Variants in SLC4A10 observed in about 807,000 individuals in gnomAD.
SLC4A10 encodes sodium-driven chloride bicarbonate exchanger.
In SLC4A10, 42 loss-of-function variants were observed where a neutral mutation model predicts 137.7. That is an observed-to-expected ratio of 0.30 (90% CI 0.24 to 0.39). The LOEUF (loss-of-function observed/expected upper bound fraction) is 0.39. SLC4A10 is among the 10% of genes least tolerant of loss of function. The probability of loss-of-function intolerance (pLI) is 1.00; values close to 1 mark genes in which losing one functional copy is unlikely to be tolerated. For synonymous variants in SLC4A10, 474 were observed against 464.1 expected (o/e 1.02, Z -0.27); for missense variants, 925 against 1,355.0 (o/e 0.68, Z 4.98).
chr2:161,745,277 G>A (rs540706924), intron 1 of SLC4A10, among the ~76,000 whole-genome samples: 3 of 152,074 alleles, frequency 2.0e-5, no homozygotes, highest in Non-Finnish European at 4.4e-5. Context: ...TCCTCTGATT[G>A]TGTATTTACA....
At chr2:161,876,838 T>C (rs1158872119) in intron 8 of SLC4A10, among the ~76,000 whole-genome samples, 1 of 151,944 alleles carries the variant, frequency 6.6e-6, no homozygotes, top group Non-Finnish European at 1.5e-5. Flanking sequence ...TAATATATAA[T>C]CGATTACTTC....
chr2:161,883,228 AT>A (rs1451143023), intron 10 of SLC4A10, among the ~76,000 whole-genome samples: 1 of 152,184 alleles, frequency 6.6e-6, no homozygotes, highest in Non-Finnish European at 1.5e-5. Context: ...AACAAATGGG[AT>A]TATATACTTC....
intron 6 of SLC4A10, among the ~76,000 whole-genome samples, chr2:161,871,410 AG>A (rs1189697443): frequency 4.8e-5 from 7 of 147,076 alleles, no homozygotes; most frequent in Non-Finnish European, 1.1e-4. Flanking sequence ...GAAAAAAAAA[AG>A]ATGGGGAGAT....
chr2:161,898,588 T>C (rs2063757143), intron 11 of SLC4A10, among the ~76,000 whole-genome samples: 1 of 152,150 alleles, frequency 6.6e-6, no homozygotes, highest in South Asian at 2.1e-4. Context: ...GCATTTTAAA[T>C]ATTTTTTCCC....
chr2:161,802,091 T>C (rs1162431048), intron 2 of SLC4A10, among the ~76,000 whole-genome samples: 2 of 152,124 alleles, frequency 1.3e-5, no homozygotes, highest in East Asian at 3.9e-4. Context: ...ATTTTAATTG[T>C]CTATAATCAG....
intron 15 of SLC4A10, among the ~76,000 whole-genome samples, chr2:161,938,600 A>G (rs546948687): frequency 6.6e-6 from 1 of 151,816 alleles, no homozygotes; most frequent in East Asian, 1.9e-4. Context: ...TGTTGAAAAT[A>G]ATCCAAATAT....
intron 10 of SLC4A10, among the ~76,000 whole-genome samples, chr2:161,892,155 G>T (rs919871931): frequency 2.6e-5 from 4 of 152,026 alleles, no homozygotes; most frequent in African/African-American, 7.2e-5. Flanking sequence ...CAGGAAATCT[G>T]TTGTCCTGGA....
intron 15 of SLC4A10, among the ~76,000 whole-genome samples, chr2:161,919,129 G>A (rs1180519356): frequency 2.0e-5 from 3 of 152,186 alleles, no homozygotes; most frequent in Non-Finnish European, 4.4e-5. Flanking sequence ...ACTTGGGGTA[G>A]TAATGACACA....
At chr2:161,815,773 G>A (rs917470532) in intron 3 of SLC4A10, among the ~76,000 whole-genome samples, 4 of 152,030 alleles carry the variant, frequency 2.6e-5, no homozygotes, top group Non-Finnish European at 5.9e-5. Context: ...AATTGACCAA[G>A]AATCAGATTC....
intron 2 of SLC4A10, among the ~76,000 whole-genome samples, chr2:161,788,266 T>G (rs2053842576): frequency 6.6e-6 from 1 of 152,080 alleles, no homozygotes; most frequent in African/African-American, 2.4e-5. Flanking sequence ...AACACACTAT[T>G]TTCTGTGTGA....
chr2:161,723,840 A>G lies in SLC4A10; in HGVS notation c.49-47133A>G, dbSNP rs191284623. ...AGACAATGTTGAGAATTGCTGCTTT[A>G]CATACTGATGACTTCCATATCTATA... is the stretch of plus-strand genomic sequence containing the variant. On this transcript the variant is annotated intron_variant, in intron 1 of 26. Transcript: ENST00000446997. Among the ~76,000 whole-genome samples the G allele has an allele frequency of 2.9e-4, 44 of 152,344 alleles. 1 individual carries two copies. Among genetic ancestry groups the G allele is most frequent in the Admixed American group, 1.8e-3 (28 of 15,300 alleles).
Position 161,957,137 on chromosome 2 carries a change from C to T in SLC4A10, c.2690C>T (p.Pro897Leu), listed in dbSNP as rs1475522275. ...SLKLESECSAPGEQPKFLGIR... is the reference protein window; with the variant it reads ...SLKLESECSALGEQPKFLGIR... ...AAACTGGAATCAGAATGCTCAGCTC[C>T]AGGAGAACAACCCAAATTTCTCGGC... Residue 897 changes from proline to leucine, a missense_variant, in exon 20 of 27, where the codon CCA becomes CTA. By Grantham distance (98) the Pro-to-Leu change is moderately conservative. Coordinates refer to ENST00000446997, the MANE Select transcript of SLC4A10 (RefSeq NM_001178015.2). 6.2e-7 allele frequency: 1 copy of T among 1,613,612 alleles called. No homozygotes were observed. Among genetic ancestry groups the T allele is most frequent in the Non-Finnish European group, 8.5e-7 (1 of 1,179,838 alleles).
At chr2:161,797,312 T>C (rs965953811) in intron 2 of SLC4A10, among the ~76,000 whole-genome samples, 5 of 152,110 alleles carry the variant, frequency 3.3e-5, no homozygotes, top group Non-Finnish European at 5.9e-5. Flanking sequence ...AACCTGCTTA[T>C]TGTTTAAGAG....
At position 161,985,075 on chromosome 2, in the gene SLC4A10, T is replaced by A. The variant is rs1700656948; in HGVS notation, c.*1923T>A. ...TTAATCCTAATATTTTGAAATCATA[T>A]AAAATATAATAAAAATGTAGTATTA... is the stretch of plus-strand genomic sequence containing the variant. On this transcript the variant is annotated 3_prime_UTR_variant, in exon 27 of 27. Coordinates refer to ENST00000446997, the MANE Select transcript of SLC4A10 (RefSeq NM_001178015.2). The A allele has an allele frequency of 6.6e-6, 1 of 152,024 alleles. No individual in the cohort carries two copies. Among genetic ancestry groups the A allele is most frequent in the Non-Finnish European group, 1.5e-5 (1 of 67,926 alleles). 9.4% of individuals were successfully genotyped at this position (152,024 alleles called of 1,614,324 possible). A position where few individuals can be genotyped will look rare whatever the true frequency, so the allele number is the denominator to read the frequency against.
intron 1 of SLC4A10, among the ~76,000 whole-genome samples, chr2:161,718,714 C>T (rs2045247329): frequency 6.6e-6 from 1 of 152,044 alleles, no homozygotes; most frequent in African/African-American, 2.4e-5. Context: ...TTTACTTCCA[C>T]TTATGTGATC....
chr2:161,757,209 G>A (rs765528860), intron 1 of SLC4A10, among the ~76,000 whole-genome samples: 2 of 152,046 alleles, frequency 1.3e-5, no homozygotes, highest in African/African-American at 2.4e-5. Flanking sequence ...TCAGCAACAC[G>A]CAGTATTCCC....
rs539307783 is a variant in SLC4A10, at chr2:161,720,269, C to T, written c.49-50704C>T. 2.1e-3 allele frequency among the ~76,000 whole-genome samples: 323 copies of T among 152,250 alleles called. 2 individuals carry two copies. Among genetic ancestry groups the T allele is most frequent in the African/African-American group, 7.3e-3 (302 of 41,540 alleles). ...ATTGATCTATATCTCTGTTTTGGTA[C>T]CAGTACCATGCTGTTTTGGTTACTG... On this transcript the variant is annotated intron_variant, in intron 1 of 26. Coordinates refer to ENST00000446997, the MANE Select transcript of SLC4A10 (RefSeq NM_001178015.2).
At chr2:161,791,798 C>A (rs2054242729) in intron 2 of SLC4A10, among the ~76,000 whole-genome samples, 1 of 152,082 alleles carries the variant, frequency 6.6e-6, no homozygotes, top group Non-Finnish European at 1.5e-5. Flanking sequence ...TGAGAGGTAA[C>A]TGGGTAATTA....
At chr2:161,679,165 G>T (rs1021496785) in intron 1 of SLC4A10, among the ~76,000 whole-genome samples, 3 of 152,034 alleles carry the variant, frequency 2.0e-5, no homozygotes, top group Non-Finnish European at 2.9e-5. Context: ...TAGTGACATG[G>T]ATATTTTATG....
Sources: gnomAD v4.1 joint callset for allele counts (sites outside exome capture counted in the v4.1 genomes callset) on GRCh38, gnomAD v4.1.1 for gene constraint, MANE v1.5 for transcripts, NCBI Gene and HGNC (gene_info 2026-07-23, HGNC 2026-07-21) for gene names.